Variants in CC2D2A observed in about 807,000 individuals in gnomAD.
CC2D2A encodes the protein coiled-coil and C2 domain containing 2A, also known as coiled-coil and C2 domain-containing protein 2A.
In CC2D2A, 155 loss-of-function variants were observed where a neutral mutation model predicts 212.9. The ratio of observed to expected loss-of-function variants is 0.73; its 90% CI spans 0.64 to 0.83. The LOEUF (loss-of-function observed/expected upper bound fraction) is 0.83, where lower values mean the gene tolerates loss of function less well. Among genes scored for constraint, CC2D2A ranks in the 40% least tolerant of loss-of-function variants. The pLI is 0.00. For missense variants in CC2D2A, 1,856 were observed against 1,956.2 expected, an observed-to-expected ratio of 0.95 and a Z score of 0.97; for synonymous variants, 667 against 686.5, an observed-to-expected ratio of 0.97 and a Z score of 0.44.
At chr4:15,599,393 C>G (rs1721473417) in intron 35 of CC2D2A, 136 bp from the exon 36 acceptor site, 6 of 580,520 alleles carry the variant, frequency 1.0e-5, no homozygotes, top group Middle Eastern at 4.8e-4. Flanking sequence ...TAGACATTAA[C>G]TATGCCTGGA....
chr4:15,578,320 T>A (rs1453355796), intron 29 of CC2D2A, among the ~76,000 whole-genome samples: 3 of 152,100 alleles, frequency 2.0e-5, no homozygotes, highest in African/African-American at 7.2e-5. Context: ...TACTCCAACT[T>A]CTTAGGGTAT....
Position 15,567,688 on chromosome 4 carries a change from T to C in CC2D2A, c.3300T>C (p.Arg1100=). The stretch of plus-strand genomic sequence containing the variant: ...CTCTTGATTTTAAGGTTTTAGTACG[T>C]CCCTTTGTAGAAGTCTCTTTTCAAC... ...ADYPLGQVLV[R]PFVEVSFQRT... is the part of the protein sequence containing the mutation. Residue 1100 remains arginine, a synonymous_variant, in exon 26 of 37, where the codon CGT becomes CGC. Transcript: ENST00000424120. 1 of 1,602,000 alleles carries C rather than the reference T, an allele frequency of 6.2e-7. No homozygotes were observed. The highest frequency in any genetic ancestry group is 8.5e-7 in the Non-Finnish European group (1 of 1,176,582).
rs2148495981 is a variant in CC2D2A at position 15,599,633 on chromosome 4, T to C, written c.4601T>C (p.Leu1534Ser). Residue 1534 changes from leucine to serine, a missense_variant, in exon 36 of 37, where the codon TTA becomes TCA. Transcript: ENST00000424120. The part of the protein sequence containing the change: ...TSTLRHFLPL[L>S]EKSQGEDVED... ...ACTCTGCGTCACTTCTTGCCTCTGT[T>C]AGAAAAAAGTCAAGGAGAAGATGTA... is the stretch of plus-strand genomic sequence containing the variant. The C allele has an allele frequency of 9.9e-6, 16 of 1,613,552 alleles. No individual in the cohort carries two copies. The highest frequency in any genetic ancestry group is 1.3e-5 in the Non-Finnish European group (15 of 1,179,590).
rs189397092 is a variant in CC2D2A at position 15,557,856 on chromosome 4, G to A, written c.2829+349G>A. Among the ~76,000 whole-genome samples, 210 of 152,312 alleles carry A rather than the reference G, an allele frequency of 1.4e-3. 2 individuals are homozygous for A. Among genetic ancestry groups the A allele is most frequent in the Non-Finnish European group, 2.5e-3 (173 of 68,030 alleles). ...GGCTAATTATTGAATGCCTTAGTCA[G>A]GAATTCAATTCCATTTTAATGCAGT... On this transcript the variant is annotated intron_variant, in intron 21 of 36. Coordinates refer to ENST00000424120, the MANE Select transcript of CC2D2A (RefSeq NM_001378615.1).
chr4:15,565,918 G>A (rs779320233), intron 24 of CC2D2A, among the ~76,000 whole-genome samples: 4 of 152,152 alleles, frequency 2.6e-5, no homozygotes, highest in Non-Finnish European at 5.9e-5. Context: ...AGCCACAAGT[G>A]TTTGTTTAAT....
At position 15,480,698 on chromosome 4, in the gene CC2D2A, C is replaced by T. The variant is rs1861049; in HGVS notation, c.124-6C>T. The T allele has an allele frequency of 0.071, 114,497 of 1,606,312 alleles. 11,290 individuals are homozygous for T. Among genetic ancestry groups the T allele is most frequent in the African/African-American group, 0.42 (31,648 of 74,600 alleles). On this transcript the variant is annotated splice_region_variant and splice_polypyrimidine_tract_variant and intron_variant, in intron 3 of 36. Transcript: ENST00000424120. ...AGTCTCTGAACCTCTGACCTTCTTC[C>T]TCCAGCCACCAACTGCTGTCCCCAA... is the stretch of plus-strand genomic sequence containing the variant.
At position 15,528,718 on chromosome 4, in the gene CC2D2A, T is replaced by A. The variant is rs761462354; in HGVS notation, c.1458T>A (p.Ser486=). Residue 486 remains serine (S), a synonymous_variant, in exon 13 of 37, where the codon TCT becomes TCA. Coordinates refer to ENST00000424120, the MANE Select transcript of CC2D2A (RefSeq NM_001378615.1). ...TIQKTINEYK[S]EIRQTRKFRD... ...AAAAAACCATCAATGAGTATAAATCTGAAATTCGGTGAGTAAAGTTTGTTA... is the reference window on the plus strand; with the variant it reads ...AAAAAACCATCAATGAGTATAAATCAGAAATTCGGTGAGTAAAGTTTGTTA... The A allele has an allele frequency of 6.3e-7, 1 of 1,597,434 alleles. No individual in the cohort carries two copies. The highest frequency in any genetic ancestry group is 1.1e-5 in the South Asian group (1 of 88,818).
intron 3 of CC2D2A, among the ~76,000 whole-genome samples, chr4:15,479,841 T>G (rs1331736508): frequency 1.3e-5 from 2 of 152,088 alleles, no homozygotes; most frequent in Non-Finnish European, 2.9e-5. Context: ...GGGTGACTAG[T>G]GCCAAGGCTG....
At chr4:15,519,524 C>A in intron 11 of CC2D2A, 2 of 449,266 alleles carry the variant, frequency 4.5e-6, no homozygotes, top group Non-Finnish European at 8.9e-6. Context: ...ACTTCTGGTA[C>A]CAATTTATTG....
chr4:15,527,706 A>G, intron 12 of CC2D2A, 50 bp downstream of exon 12: 2 of 1,408,084 alleles, frequency 1.4e-6, no homozygotes, highest in Non-Finnish European at 2.0e-6. Context: ...GGTTCTTCCA[A>G]TGAGCCCAAA....
chr4:15,571,749 A>C (rs1013855597), intron 28 of CC2D2A, among the ~76,000 whole-genome samples: 1 of 152,148 alleles, frequency 6.6e-6, no homozygotes, highest in Non-Finnish European at 1.5e-5. Flanking sequence ...AATAATTTAC[A>C]TTTCCTTCTC....
chr4:15,547,725 T>C (rs1718783580), intron 17 of CC2D2A, among the ~76,000 whole-genome samples: 1 of 152,194 alleles, frequency 6.6e-6, no homozygotes, highest in African/African-American at 2.4e-5. Context: ...TTTTTAAAAA[T>C]AGCATTTCTT....
intron 24 of CC2D2A, 25 bp downstream of exon 24, chr4:15,563,547 G>A: frequency 6.2e-7 from 1 of 1,606,300 alleles, no homozygotes; most frequent in Non-Finnish European, 8.5e-7. Context: ...AACAGCCCGA[G>A]ATGCAGTGTG....
chr4:15,494,188 A>T (rs1369598754), intron 4 of CC2D2A, among the ~76,000 whole-genome samples: 4 of 152,208 alleles, frequency 2.6e-5, no homozygotes, highest in Non-Finnish European at 5.9e-5. Flanking sequence ...CCACCACAAC[A>T]GCATGAGAGC....
chr4:15,513,052 T>C (rs1716662923), intron 8 of CC2D2A, among the ~76,000 whole-genome samples: 1 of 152,190 alleles, frequency 6.6e-6, no homozygotes, highest in African/African-American at 2.4e-5. Context: ...ATTCACATAA[T>C]TGGCATACTT....
chr4:15,505,559 A>C (rs1716211854), intron 6 of CC2D2A, among the ~76,000 whole-genome samples: 1 of 152,178 alleles, frequency 6.6e-6, no homozygotes, highest in African/African-American at 2.4e-5. Flanking sequence ...AGTGGAGTTG[A>C]CAGCCAGTGG....
chr4:15,601,506 G>T lies in CC2D2A; in HGVS notation c.*81G>T. On this transcript the variant is annotated 3_prime_UTR_variant, in exon 37 of 37. Coordinates refer to ENST00000424120, the MANE Select transcript of CC2D2A (RefSeq NM_001378615.1). ...ATTTTAAATTATATGCATCACATCAGAAGAACATATTATTGGCAAATAATA... is the reference window on the plus strand; with the variant it reads ...ATTTTAAATTATATGCATCACATCATAAGAACATATTATTGGCAAATAATA... The T allele has an allele frequency of 1.2e-6, 1 of 811,764 alleles. No individual in the cohort carries two copies. Among genetic ancestry groups the T allele is most frequent in the South Asian group, 2.6e-5 (1 of 38,436 alleles). The allele number at this position is 811,764 out of a possible 1,614,324, so 50.3% of individuals were successfully genotyped here.
rs752271495 is a variant in CC2D2A, at chr4:15,559,262, G to GA, written c.2922+10dup. The GA allele has an allele frequency of 5.1e-5, 78 of 1,533,290 alleles. No homozygotes were observed. The East Asian group carries it at 9.6e-4, about 19-fold the overall frequency. The allele number at this position is 1,533,290 out of a possible 1,614,324, so 95.0% of individuals were successfully genotyped here. A position where few individuals can be genotyped will look rare whatever the true frequency, so the allele number is the denominator to read the frequency against. ...GTAGCCAAGTACCTCCAGCAGGTAA[G>GA]AAAAATCATATAAAACTGTCTTCAT... On this transcript the variant is annotated splice_donor_region_variant and intron_variant, in intron 22 of 36. Coordinates refer to ENST00000424120, the MANE Select transcript of CC2D2A (RefSeq NM_001378615.1).
In CC2D2A at chr4:15,600,484, C is replaced by T. The variant is rs143064372; in HGVS notation, c.4675-753C>T. ...GGAACACTTACAGAATTCACATCTG[C>T]GCACATACTACCCAAAGCAGGAGAA... On this transcript the variant is annotated intron_variant, in intron 36 of 36. Coordinates refer to ENST00000424120, the MANE Select transcript of CC2D2A (RefSeq NM_001378615.1). Among the ~76,000 whole-genome samples, 11 of 152,246 alleles carry T rather than the reference C, an allele frequency of 7.2e-5. No homozygotes were observed. In the East Asian group the frequency reaches 2.1e-3, roughly 29 times the overall value.
Sources: allele counts gnomAD v4.1 joint callset (sites outside exome capture counted in the v4.1 genomes callset), GRCh38; gene constraint gnomAD v4.1.1; transcripts MANE v1.5; gene names NCBI Gene and HGNC (gene_info 2026-07-23, HGNC 2026-07-21).